The following RHOJ variants were observed in gnomAD, a reference collection of about 807,000 sequenced individuals.
The protein encoded by RHOJ is rho-related GTP-binding protein RhoJ.
A neutral mutation model predicts 23.4 loss-of-function variants in RHOJ; 11 were observed. The observed-to-expected ratio is 0.47, with a 90% CI of 0.30 to 0.78. The LOEUF (loss-of-function observed/expected upper bound fraction) is 0.78, where lower values mean the gene tolerates loss of function less well. Among genes scored for constraint, RHOJ ranks in the 30% least tolerant of loss-of-function variants. RHOJ has a pLI of 0.08. For missense variants in RHOJ, 254 were observed against 273.4 expected (o/e 0.93, Z 0.50); for synonymous variants, 102 against 102.7 (o/e 0.99, Z 0.04).
At chr14:63,214,517 C>G (rs1025258223) in intron 1 of RHOJ, among the ~76,000 whole-genome samples, 1 of 152,156 alleles carries the variant, frequency 6.6e-6, no homozygotes, top group Non-Finnish European at 1.5e-5. Context: ...CAGATCGTAT[C>G]AAACAGAAAA....
Position 63,251,960 on chromosome 14 carries a change from A to C in RHOJ, c.179-17150A>C, listed in dbSNP as rs1895079431. ...TCATGGCAAAATCCCATCTCTACTA[A>C]AAATACAAAACTTAGCCGGGCTTGG... On this transcript the variant is annotated intron_variant, in intron 1 of 4. Transcript: ENST00000316754. Among the ~76,000 whole-genome samples the C allele has an allele frequency of 3.3e-5, 5 of 152,144 alleles. No homozygotes were observed. The South Asian group carries it at 1.0e-3, about 32-fold the overall frequency.
intron 1 of RHOJ, among the ~76,000 whole-genome samples, chr14:63,228,090 A>T (rs1010785330): frequency 1.3e-5 from 2 of 152,208 alleles, no homozygotes; most frequent in Non-Finnish European, 2.9e-5. Flanking sequence ...AAGGCCATAG[A>T]TTCTATTGTC....
At chr14:63,242,706 T>G (rs1370734345) in intron 1 of RHOJ, among the ~76,000 whole-genome samples, 2 of 152,148 alleles carry the variant, frequency 1.3e-5, no homozygotes, top group Non-Finnish European at 2.9e-5. Flanking sequence ...CACCATAAGT[T>G]TCTTTGCCGT....
intron 1 of RHOJ, among the ~76,000 whole-genome samples, chr14:63,218,724 C>A (rs999855661): frequency 2.6e-5 from 4 of 152,282 alleles, no homozygotes; most frequent in East Asian, 3.9e-4. Context: ...TAGAACTCAG[C>A]AGATTTTCTG....
chr14:63,215,259 G>A (rs991071120), intron 1 of RHOJ, among the ~76,000 whole-genome samples: 1 of 149,466 alleles, frequency 6.7e-6, no homozygotes, highest in Admixed American at 6.7e-5. Context: ...GGGAGAGACA[G>A]ATCTTTTGTA....
In RHOJ at chr14:63,288,849, A is replaced by G. The variant is rs61308883; in HGVS notation, c.499-2029A>G. Among the ~76,000 whole-genome samples the G allele has an allele frequency of 3.4e-3, 517 of 152,326 alleles. 14 individuals are homozygous for G. The East Asian group carries it at 0.052, about 15-fold the overall frequency. On this transcript the variant is annotated intron_variant, in intron 4 of 4. Transcript: ENST00000316754. ...GTCTGGGCCCAACCAAAACCACTTTATTTGATGGTTAGTTTTCATATTTGT... is the reference window on the plus strand; with the variant it reads ...GTCTGGGCCCAACCAAAACCACTTTGTTTGATGGTTAGTTTTCATATTTGT...
At chr14:63,212,680 A>G (rs576897321) in intron 1 of RHOJ, among the ~76,000 whole-genome samples, 1 of 152,350 alleles carries the variant, frequency 6.6e-6, no homozygotes, top group South Asian at 2.1e-4. Flanking sequence ...TGATAGTATC[A>G]TCTATTAATG....
rs1339354495 is a variant in RHOJ at position 63,291,093 on chromosome 14, C to T, written c.*69C>T. Reference sequence around the variant, plus strand: ...GCAGCCAATCTCTGTGGCCAAGCTCCAGCCAAAAAGGAGGGCACGACCAGA... The same window carrying T: ...GCAGCCAATCTCTGTGGCCAAGCTCTAGCCAAAAAGGAGGGCACGACCAGA... On this transcript the variant is annotated 3_prime_UTR_variant, in exon 5 of 5. Transcript: ENST00000316754. 6.3e-7 allele frequency: 1 copy of T among 1,583,778 alleles called. No homozygotes were observed. Among genetic ancestry groups the T allele is most frequent in the Non-Finnish European group, 8.6e-7 (1 of 1,157,236 alleles).
At chr14:63,288,410 G>T in intron 4 of RHOJ, 1 of 857,268 alleles carries the variant, frequency 1.2e-6, no homozygotes, top group Non-Finnish European at 1.4e-6. Context: ...CAGATAGAAA[G>T]GTGCTACAGC....
At chr14:63,241,470 G>GCC (rs1894882313) in intron 1 of RHOJ, among the ~76,000 whole-genome samples, 6 of 152,108 alleles carry the variant, frequency 3.9e-5, no homozygotes, top group Admixed American at 3.3e-4. Flanking sequence ...AGAATGGCTT[G>GCC]CCAATAGTTT....
intron 1 of RHOJ, among the ~76,000 whole-genome samples, chr14:63,237,248 T>G (rs1413832693): frequency 6.6e-6 from 1 of 152,144 alleles, no homozygotes; most frequent in African/African-American, 2.4e-5. Flanking sequence ...GTTTTCTTAT[T>G]TTTTTAAGAA....
At chr14:63,209,489 C>T (rs115277729) in intron 1 of RHOJ, among the ~76,000 whole-genome samples, 114 of 110,206 alleles carry the variant, frequency 1.0e-3, no homozygotes, top group African/African-American at 2.8e-3. Context: ...CATACTATTC[C>T]GCTAGATCCC....
At chr14:63,223,767 G>C (rs1197564450) in intron 1 of RHOJ, among the ~76,000 whole-genome samples, 1 of 152,078 alleles carries the variant, frequency 6.6e-6, no homozygotes, top group Non-Finnish European at 1.5e-5. Context: ...CACAAACTCT[G>C]CTTTTTCAGA....
chr14:63,274,263 A>G (rs1881643449), intron 2 of RHOJ, among the ~76,000 whole-genome samples: 1 of 152,174 alleles, frequency 6.6e-6, no homozygotes, highest in Non-Finnish European at 1.5e-5. Context: ...ACCTCAGAAC[A>G]AATGTTTTCC....
At chr14:63,221,127 G>A (rs555584145) in intron 1 of RHOJ, among the ~76,000 whole-genome samples, 8 of 152,180 alleles carry the variant, frequency 5.3e-5, no homozygotes, top group Non-Finnish European at 1.0e-4. Context: ...CCAGGAGTTC[G>A]AGACCAGCCT....
intron 2 of RHOJ, among the ~76,000 whole-genome samples, chr14:63,273,223 G>T: frequency 6.6e-6 from 1 of 152,196 alleles, no homozygotes; most frequent in East Asian, 1.9e-4. Flanking sequence ...ATTAGGCAAT[G>T]AATTGAGGAA....
chr14:63,247,841 T>C (rs1444836151), intron 1 of RHOJ, among the ~76,000 whole-genome samples: 1 of 152,170 alleles, frequency 6.6e-6, no homozygotes. Context: ...TTTAATGGAC[T>C]CACCGTTCCA....
intron 1 of RHOJ, among the ~76,000 whole-genome samples, chr14:63,223,892 G>T (rs1894544275): frequency 6.6e-6 from 1 of 152,002 alleles, no homozygotes; most frequent in African/African-American, 2.4e-5. Context: ...ACTCAATCCT[G>T]AGAGCCTCTA....
At chr14:63,249,443 G>A (rs745839242) in intron 1 of RHOJ, among the ~76,000 whole-genome samples, 9 of 152,158 alleles carry the variant, frequency 5.9e-5, no homozygotes, top group Admixed American at 1.3e-4. Context: ...ATTAGTCTAC[G>A]CCTTGACTCA....
Sources: allele counts gnomAD v4.1 joint callset (sites outside exome capture counted in the v4.1 genomes callset), GRCh38; gene constraint gnomAD v4.1.1; transcripts MANE v1.5; gene names NCBI Gene and HGNC (gene_info 2026-07-23, HGNC 2026-07-21).